Variants in BMPR2 observed in about 807,000 individuals in gnomAD.
The protein encoded by BMPR2 is bone morphogenetic protein receptor type 2.
Under a neutral mutation model 100.8 loss-of-function variants are expected in BMPR2, and 29 were observed. The ratio of observed to expected loss-of-function variants is 0.29; its 90% CI spans 0.21 to 0.39. The LOEUF (loss-of-function observed/expected upper bound fraction) is 0.39. Among genes scored for constraint, BMPR2 ranks in the 10% least tolerant of loss-of-function variants. BMPR2 has a pLI of 1.00. For synonymous variants in BMPR2, 382 were observed against 442.3 expected, an observed-to-expected ratio of 0.86 and a Z score of 1.71; for missense variants, 1,011 against 1,274.5, an observed-to-expected ratio of 0.79 and a Z score of 3.15.
At position 202,530,074 on chromosome 2, in the gene BMPR2, C is replaced by T. The variant is rs183883199; in HGVS notation, c.968-720C>T. Among the ~76,000 whole-genome samples the T allele has an allele frequency of 2.0e-5, 3 of 152,278 alleles. No individual in the cohort carries two copies. In the East Asian group the frequency reaches 5.8e-4, roughly 29 times the overall value. On this transcript the variant is annotated intron_variant, in intron 7 of 12. Transcript: ENST00000374580. ...TCAGCAATCATTTACTGTGTGTCTA[C>T]TCTGTGCCAAGCCTTTTAAAGTCAG...
rs566721417 is a variant in BMPR2, at chr2:202,507,502, G to C, written c.419-6217G>C. Among the ~76,000 whole-genome samples, 136 of 152,248 alleles carry C rather than the reference G, an allele frequency of 8.9e-4. 1 individual carries two copies. Among genetic ancestry groups the C allele is most frequent in the African/African-American group, 3.1e-3 (128 of 41,548 alleles). ...ACTGCTGGGCATGAGCAGTCCTCCT[G>C]CCTCAGCCTCCCAAGTAACTGGGAC... On this transcript the variant is annotated intron_variant, in intron 3 of 12. Transcript: ENST00000374580.
intron 1 of BMPR2, among the ~76,000 whole-genome samples, chr2:202,434,933 A>ATATATATATATATATATATATT (rs1483284948): frequency 1.3e-4 from 11 of 82,036 alleles, no homozygotes; most frequent in Admixed American, 4.7e-4. Context: ...ATATATATAT[A>ATATATATATATATATATATATT]TATTTATTTA....
chr2:202,463,564 T>C (rs1035386108), intron 1 of BMPR2, among the ~76,000 whole-genome samples: 9 of 152,222 alleles, frequency 5.9e-5, no homozygotes, highest in African/African-American at 2.2e-4. Context: ...AAGGAATATA[T>C]TGGCCAAGTG....
At chr2:202,383,532 T>C (rs548805675) in intron 1 of BMPR2, among the ~76,000 whole-genome samples, 114 of 152,052 alleles carry the variant, frequency 7.5e-4, no homozygotes, top group African/African-American at 2.7e-3. Flanking sequence ...AATACAAAAT[T>C]AGCCGGGTGT....
At chr2:202,424,990 G>A (rs146237216) in intron 1 of BMPR2, among the ~76,000 whole-genome samples, 59 of 151,492 alleles carry the variant, frequency 3.9e-4, no homozygotes, top group African/African-American at 1.3e-3. Context: ...ATGGAGTCTC[G>A]CTCTGTCGCC....
chr2:202,401,259 GC>G (rs1467105183), intron 1 of BMPR2, among the ~76,000 whole-genome samples: 1 of 152,138 alleles, frequency 6.6e-6, no homozygotes, highest in Non-Finnish European at 1.5e-5. Flanking sequence ...AAATTAGATG[GC>G]ATGTGGTGGC....
At chr2:202,431,046 C>T (rs1054948589) in intron 1 of BMPR2, among the ~76,000 whole-genome samples, 2 of 150,390 alleles carry the variant, frequency 1.3e-5, no homozygotes, top group Non-Finnish European at 2.9e-5. Context: ...GGATTTTTCA[C>T]GATTAGAGGA....
rs879251300 is a variant in BMPR2 at position 202,451,491 on chromosome 2, G to T, written c.77-13318G>T. ...AGACGGGAGGATCACCTGAGGTTAG[G>T]AGTTCGAGACCAGCCTGGCCAACAT... On this transcript the variant is annotated intron_variant, in intron 1 of 12. Transcript: ENST00000374580. Among the ~76,000 whole-genome samples the T allele has an allele frequency of 4.6e-5, 7 of 152,274 alleles. 1 individual carries two copies. Among genetic ancestry groups the T allele is most frequent in the Admixed American group, 4.6e-4 (7 of 15,300 alleles).
chr2:202,530,446 A>G (rs1000397808), intron 7 of BMPR2, among the ~76,000 whole-genome samples: 9 of 152,042 alleles, frequency 5.9e-5, no homozygotes, highest in Non-Finnish European at 1.2e-4. Context: ...TATTTTAGAC[A>G]AGCAGACTTT....
chr2:202,416,465 C>T (rs1178948354), intron 1 of BMPR2, among the ~76,000 whole-genome samples: 6 of 145,944 alleles, frequency 4.1e-5, no homozygotes, highest in Non-Finnish European at 8.9e-5. Flanking sequence ...CTTGCTCTGT[C>T]GCTAGGCTGG....
intron 12 of BMPR2, among the ~76,000 whole-genome samples, chr2:202,557,462 CAA>C (rs1175160231): frequency 9.8e-6 from 1 of 101,604 alleles, no homozygotes; most frequent in Non-Finnish European, 2.0e-5. Flanking sequence ...AACTCTGTCT[CAA>C]ACACACACAC....
chr2:202,498,427 G>A (rs886411804), intron 3 of BMPR2, among the ~76,000 whole-genome samples: 1 of 152,068 alleles, frequency 6.6e-6, no homozygotes, highest in Non-Finnish European at 1.5e-5. Flanking sequence ...TTGGGCAGGG[G>A]TTGTTTCTGC....
chr2:202,487,221 G>GA (rs1553505518), intron 3 of BMPR2, among the ~76,000 whole-genome samples: 3 of 151,310 alleles, frequency 2.0e-5, no homozygotes, highest in Non-Finnish European at 4.4e-5. Flanking sequence ...TTTTCAAGAG[G>GA]TTTTTTTTTC....
intron 12 of BMPR2, among the ~76,000 whole-genome samples, 180 bp downstream of exon 12, chr2:202,556,711 CCAAGGGAGGT>C (rs1367589578): frequency 3.9e-5 from 6 of 152,142 alleles, no homozygotes; most frequent in Non-Finnish European, 7.3e-5. Flanking sequence ...CTTTGGGAGG[CCAAGGGAGGT>C]GGATCACCTG....
intron 8 of BMPR2, among the ~76,000 whole-genome samples, chr2:202,531,930 A>ATTTTTTTTTTTTTT (rs71035015): frequency 1.9e-5 from 1 of 52,278 alleles, no homozygotes; most frequent in Non-Finnish European, 3.2e-5. Context: ...GCCCAGCTGT[A>ATTTTTTTTTTTTTT]TTTTTTTTTT....
chr2:202,534,739 C>T (rs902748656), intron 9 of BMPR2, among the ~76,000 whole-genome samples: 3 of 152,166 alleles, frequency 2.0e-5, no homozygotes, highest in Non-Finnish European at 4.4e-5. Flanking sequence ...ACAAAGCCGC[C>T]ATTGTCATCC....
chr2:202,376,806 G>A lies in BMPR2; in HGVS notation c.-669G>A, dbSNP rs115604088. ...CCGCTCCTACCTCTCCTCAGCCTTC[G>A]CCAGGGCCTCCCCAACCCTCTCACG... On this transcript the variant is annotated 5_prime_UTR_variant, in exon 1 of 13. Coordinates refer to ENST00000374580, the MANE Select transcript of BMPR2 (RefSeq NM_001204.7). 2,965 of 401,380 alleles carry A rather than the reference G, an allele frequency of 7.4e-3. 24 individuals are homozygous for A. Among genetic ancestry groups the A allele is most frequent in the Non-Finnish European group, 8.8e-3 (2,024 of 229,092 alleles). The allele number at this position is 401,380 out of a possible 1,614,324, so 24.9% of individuals were successfully genotyped here.
In BMPR2 at chr2:202,376,513, G is replaced by A. The variant is rs1389922490; in HGVS notation, c.-962G>A. Among the ~76,000 whole-genome samples, 2 of 132,570 alleles carry A rather than the reference G, an allele frequency of 1.5e-5. No homozygotes were observed. The highest frequency in any genetic ancestry group is 3.2e-5 in the Non-Finnish European group (2 of 61,760). The allele number at this position is 132,570 out of a possible 152,430, so 87.0% of individuals were successfully genotyped here. A position where few individuals can be genotyped will look rare whatever the true frequency, so the allele number is the denominator to read the frequency against. On this transcript the variant is annotated 5_prime_UTR_variant, in exon 1 of 13. Transcript: ENST00000374580. ...GAGCCCAGAGCTGCGGGAGAACGAGGCGGCGGCGGCGGCGGCGGCGGCGGC... is the reference window on the plus strand; with the variant it reads ...GAGCCCAGAGCTGCGGGAGAACGAGACGGCGGCGGCGGCGGCGGCGGCGGC...
In BMPR2 at chr2:202,467,658, G is replaced by C; in HGVS notation, c.387G>C (p.Glu129Asp). 1 of 1,612,942 alleles carries C rather than the reference G, an allele frequency of 6.2e-7. No individual in the cohort carries two copies. Among genetic ancestry groups the C allele is most frequent in the Non-Finnish European group, 8.5e-7 (1 of 1,178,986 alleles). Residue 129 changes from glutamate to aspartate, a missense_variant, in exon 3 of 13, where the codon GAG becomes GAC. This residue lies in a region of BMPR2 where 355 missense variants were observed against 455.3 expected (regional missense o/e 0.78). Coordinates refer to ENST00000374580, the MANE Select transcript of BMPR2 (RefSeq NM_001204.7). ...STDLCNVNFT[E>D]NFPPPDTTPL... ...ATTTATGTAATGTCAACTTTACTGA[G>C]AATTTTCCACCTCCTGACACAACAC...
Sources: gnomAD v4.1 joint callset for allele counts (sites outside exome capture counted in the v4.1 genomes callset) on GRCh38, gnomAD v4.1.1 for gene constraint, gnomAD v4.1.1 regional missense constraint, MANE v1.5 for transcripts, NCBI Gene and HGNC (gene_info 2026-07-23, HGNC 2026-07-21) for gene names.